The following ZNF385B variants were observed in gnomAD, a reference collection of about 807,000 sequenced individuals.
The protein encoded by ZNF385B is zinc finger protein 533.
Under a neutral mutation model 39.2 loss-of-function variants are expected in ZNF385B, and 23 were observed. That is an observed-to-expected ratio of 0.59 (90% confidence interval 0.42 to 0.83). The LOEUF (loss-of-function observed/expected upper bound fraction) is 0.83. ZNF385B is among the 40% of genes least tolerant of loss of function. ZNF385B has a pLI of 0.00. For synonymous variants in ZNF385B, 205 were observed against 222.6 expected (o/e 0.92, Z 0.70); for missense variants, 552 against 598.9 (o/e 0.92, Z 0.82).
chr2:179,824,639 T>A (rs912823202), intron 1 of ZNF385B, among the ~76,000 whole-genome samples: 2 of 152,166 alleles, frequency 1.3e-5, no homozygotes, highest in Admixed American at 6.5e-5. Flanking sequence ...ATTGTGAACA[T>A]AGGTCTGTGT....
chr2:179,482,577 A>G (rs12151810), intron 6 of ZNF385B, among the ~76,000 whole-genome samples: 21,000 of 152,264 alleles, frequency 0.14, 1,607 homozygotes, highest in Non-Finnish European at 0.17. Context: ...CACTGGGACT[A>G]TGAAATATAG....
At chr2:179,476,111 G>C (rs964434081) in intron 6 of ZNF385B, among the ~76,000 whole-genome samples, 1 of 151,582 alleles carries the variant, frequency 6.6e-6, no homozygotes, top group Non-Finnish European at 1.5e-5. Context: ...TATTTATTGA[G>C]GAGCTCTATT....
At chr2:179,830,814 T>C (rs765093625) in intron 1 of ZNF385B, among the ~76,000 whole-genome samples, 2 of 152,176 alleles carry the variant, frequency 1.3e-5, no homozygotes, top group Non-Finnish European at 2.9e-5. Context: ...GCAAAATCCA[T>C]AGACTGTACA....
At chr2:179,600,696 G>C (rs1377533601) in intron 3 of ZNF385B, among the ~76,000 whole-genome samples, 1 of 152,156 alleles carries the variant, frequency 6.6e-6, no homozygotes, top group Non-Finnish European at 1.5e-5. Flanking sequence ...GCTTAACAGA[G>C]CTAAAGTAAT....
intron 1 of ZNF385B, among the ~76,000 whole-genome samples, chr2:179,812,735 C>G (rs1406560412): frequency 6.6e-6 from 1 of 152,112 alleles, no homozygotes; most frequent in Admixed American, 6.6e-5. Context: ...GTATGTGAGT[C>G]ATTCACTTAC....
chr2:179,794,954 G>A (rs998614814), intron 1 of ZNF385B, among the ~76,000 whole-genome samples: 1 of 152,118 alleles, frequency 6.6e-6, no homozygotes, highest in Non-Finnish European at 1.5e-5. Flanking sequence ...GGAAGAGTAT[G>A]TGAGGAGGAG....
intron 1 of ZNF385B, among the ~76,000 whole-genome samples, chr2:179,784,458 G>A (rs1374063199): frequency 1.3e-5 from 2 of 151,110 alleles, no homozygotes; most frequent in South Asian, 4.2e-4. Flanking sequence ...ATGTACCCTC[G>A]AACCCAAAAT....
chr2:179,840,037 T>A (rs1224197832), intron 1 of ZNF385B, among the ~76,000 whole-genome samples: 1 of 152,158 alleles, frequency 6.6e-6, no homozygotes, highest in Non-Finnish European at 1.5e-5. Flanking sequence ...GAGCACAGGG[T>A]AGACAAGGGT....
In ZNF385B at chr2:179,519,105, C is replaced by T. The variant is rs1008236779; in HGVS notation, c.442-467G>A. ...AAGTGATCCTCTTGTTTCAGCCGCCCGAGTAGCTGGGACTACAGGCATGTG... is the reference window on the plus strand; with the variant it reads ...AAGTGATCCTCTTGTTTCAGCCGCCTGAGTAGCTGGGACTACAGGCATGTG... On this transcript the variant is annotated intron_variant, in intron 4 of 9. Transcript: ENST00000410066. Among the ~76,000 whole-genome samples the T allele has an allele frequency of 3.9e-5, 6 of 152,252 alleles. No individual in the cohort carries two copies. In the South Asian group the frequency reaches 6.2e-4, roughly 16 times the overall value.
At chr2:179,805,197 G>A (rs1271378687) in intron 1 of ZNF385B, among the ~76,000 whole-genome samples, 1 of 152,122 alleles carries the variant, frequency 6.6e-6, no homozygotes, top group African/African-American at 2.4e-5. Flanking sequence ...TTACATGGGG[G>A]GAACCAAGGC....
At chr2:179,604,976 G>A (rs1688683194) in intron 3 of ZNF385B, among the ~76,000 whole-genome samples, 1 of 152,082 alleles carries the variant, frequency 6.6e-6, no homozygotes, top group Non-Finnish European at 1.5e-5. Flanking sequence ...CAAATTTTAA[G>A]AAGTACTCAT....
chr2:179,512,914 C>A (rs772817986), intron 5 of ZNF385B, among the ~76,000 whole-genome samples: 7 of 152,140 alleles, frequency 4.6e-5, no homozygotes, highest in Non-Finnish European at 7.3e-5. Context: ...TAGCATTTTG[C>A]TTTTCAACAG....
intron 3 of ZNF385B, among the ~76,000 whole-genome samples, chr2:179,705,167 A>C (rs937278629): frequency 2.0e-5 from 3 of 152,022 alleles, no homozygotes; most frequent in African/African-American, 7.3e-5. Context: ...TTCCTGCCCC[A>C]AAGGAAGCCT....
chr2:179,647,583 C>T (rs1164889231), intron 3 of ZNF385B, among the ~76,000 whole-genome samples: 1 of 152,040 alleles, frequency 6.6e-6, no homozygotes, highest in Non-Finnish European at 1.5e-5. Context: ...GCAGCTATAC[C>T]AGAAACAAAA....
chr2:179,601,576 C>G (rs1688412595), intron 3 of ZNF385B, among the ~76,000 whole-genome samples: 1 of 152,118 alleles, frequency 6.6e-6, no homozygotes, highest in Non-Finnish European at 1.5e-5. Context: ...GATATAAAAA[C>G]TAATCTTGCC....
intron 4 of ZNF385B, among the ~76,000 whole-genome samples, chr2:179,532,353 GTTAAAAACA>G (rs1275999986): frequency 2.0e-5 from 3 of 152,098 alleles, no homozygotes; most frequent in Admixed American, 2.0e-4. Flanking sequence ...AAATCACCAA[GTTAAAAACA>G]CATCCAGTTT....
At chr2:179,443,822 C>T (rs965269043) in intron 9 of ZNF385B, among the ~76,000 whole-genome samples, 1 of 152,144 alleles carries the variant, frequency 6.6e-6, no homozygotes, top group Admixed American at 6.5e-5. Flanking sequence ...TAAACCATGA[C>T]GAGACCTAGA....
At chr2:179,503,878 CT>C (rs534423777) in intron 5 of ZNF385B, among the ~76,000 whole-genome samples, 1,623 of 120,230 alleles carry the variant, frequency 0.013, 11 homozygotes, top group Non-Finnish European at 0.016. Flanking sequence ...TTTTTTCATT[CT>C]TTTTTTTTTT....
intron 3 of ZNF385B, among the ~76,000 whole-genome samples, chr2:179,728,139 T>C (rs1038878919): frequency 1.3e-5 from 2 of 152,124 alleles, no homozygotes; most frequent in Non-Finnish European, 1.5e-5. Flanking sequence ...AAAATGCATA[T>C]GATTAAACCC....
Sources: gnomAD v4.1 joint callset for allele counts (sites outside exome capture counted in the v4.1 genomes callset) on GRCh38, gnomAD v4.1.1 for gene constraint, MANE v1.5 for transcripts, NCBI Gene and HGNC (gene_info 2026-07-23, HGNC 2026-07-21) for gene names.